The following KATNBL1 variants were observed in gnomAD, a reference collection of about 807,000 sequenced individuals.
KATNBL1 encodes KATNB1-like protein 1.
A neutral mutation model predicts 44.7 loss-of-function variants in KATNBL1; 28 were observed. The observed-to-expected ratio is 0.63, with a 90% CI of 0.46 to 0.86. The LOEUF is 0.86. Among genes scored for constraint, KATNBL1 ranks in the 40% least tolerant of loss-of-function variants. KATNBL1 has a pLI of 0.00. For synonymous variants in KATNBL1, 78 were observed against 114.9 expected (o/e 0.68, Z 2.06); for missense variants, 272 against 350.7 (o/e 0.78, Z 1.79).
chr15:34,178,042 C>T (rs1003200942), intron 1 of KATNBL1: 4 of 152,092 alleles, frequency 2.6e-5, no homozygotes, highest in African/African-American at 7.2e-5. Context: ...GGTTTTAGAA[C>T]GTAAAAGCTT....
chr15:34,205,564 G>C (rs191417130), intron 1 of KATNBL1, among the ~76,000 whole-genome samples: 2 of 152,136 alleles, frequency 1.3e-5, no homozygotes, highest in Non-Finnish European at 2.9e-5. Flanking sequence ...TAATAGTTCT[G>C]AAAGGCGATT....
At chr15:34,180,162 ACT>A (rs1475411147) in intron 1 of KATNBL1, among the ~76,000 whole-genome samples, 1 of 150,442 alleles carries the variant, frequency 6.6e-6, no homozygotes, top group Non-Finnish European at 1.5e-5. Flanking sequence ...CAACTCCTAT[ACT>A]CTTTCTCTGC....
chr15:34,186,052 C>T (rs1889705680), intron 1 of KATNBL1, among the ~76,000 whole-genome samples: 1 of 152,280 alleles, frequency 6.6e-6, no homozygotes, highest in African/African-American at 2.4e-5. Context: ...AAACCATAAA[C>T]ATCACTTCTA....
chr15:34,188,169 A>AAAAAAAAAAAAAAAATC (rs1363128311), intron 1 of KATNBL1, among the ~76,000 whole-genome samples: 1 of 149,274 alleles, frequency 6.7e-6, no homozygotes, highest in African/African-American at 2.5e-5. Flanking sequence ...AAAAAAAGAA[A>AAAAAAAAAAAAAAAATC]ATTCACAAAT....
chr15:34,188,349 A>C (rs1044715444), intron 1 of KATNBL1, among the ~76,000 whole-genome samples: 7 of 151,808 alleles, frequency 4.6e-5, no homozygotes, highest in African/African-American at 1.5e-4. Context: ...TGAGGCCAGG[A>C]GTTCGAGATC....
At chr15:34,204,636 T>A (rs1890247446) in intron 1 of KATNBL1, among the ~76,000 whole-genome samples, 1 of 152,188 alleles carries the variant, frequency 6.6e-6, no homozygotes, top group Non-Finnish European at 1.5e-5. Context: ...AATGGATAAT[T>A]CACTCAAACA....
intron 1 of KATNBL1, among the ~76,000 whole-genome samples, chr15:34,186,570 T>C (rs1299962418): frequency 6.6e-6 from 1 of 152,144 alleles, no homozygotes; most frequent in Non-Finnish European, 1.5e-5. Context: ...CTCTTCCAAA[T>C]TGGTGGGGTG....
chr15:34,163,721 A>G (rs1567523520), intron 1 of KATNBL1, 31 bp from the exon 2 acceptor site: 1 of 1,283,356 alleles, frequency 7.8e-7, no homozygotes, highest in Non-Finnish European at 1.1e-6. Flanking sequence ...GAAAATTAAA[A>G]CAGCAAAAAG....
At chr15:34,157,567 T>A (rs1239701997) in intron 2 of KATNBL1, among the ~76,000 whole-genome samples, 1 of 152,212 alleles carries the variant, frequency 6.6e-6, no homozygotes, top group African/African-American at 2.4e-5. Context: ...GAAACTGATC[T>A]TTTGTTTCGA....
intron 4 of KATNBL1, among the ~76,000 whole-genome samples, chr15:34,149,504 A>T (rs896833179): frequency 6.6e-6 from 1 of 151,846 alleles, no homozygotes; most frequent in African/African-American, 2.4e-5. Flanking sequence ...GCTCACTGCA[A>T]CCTCCGCCTC....
intron 9 of KATNBL1, 187 bp from the exon 10 acceptor site, chr15:34,142,558 G>A (rs1247311506): frequency 1.9e-6 from 1 of 535,546 alleles, no homozygotes; most frequent in Non-Finnish European, 3.2e-6. Flanking sequence ...CATAGTATGT[G>A]CTCAATATAT....
intron 3 of KATNBL1, among the ~76,000 whole-genome samples, chr15:34,153,912 T>G (rs568792010): frequency 4.7e-4 from 72 of 152,292 alleles, no homozygotes; most frequent in Admixed American, 1.3e-3. Context: ...GTGTAAAAAC[T>G]AAAACAAAAT....
chr15:34,193,060 A>T (rs953947375), intron 1 of KATNBL1, among the ~76,000 whole-genome samples: 2 of 151,818 alleles, frequency 1.3e-5, no homozygotes, highest in African/African-American at 4.8e-5. Flanking sequence ...TATTAAAAAT[A>T]CAAAAAATTA....
At chr15:34,145,611 GA>G in intron 8 of KATNBL1, 120 bp from the exon 9 acceptor site, 1 of 893,088 alleles carries the variant, frequency 1.1e-6, no homozygotes, top group Non-Finnish European at 1.5e-6. Context: ...AGGAGAAAAT[GA>G]TGCTATTTGA....
intron 1 of KATNBL1, among the ~76,000 whole-genome samples, chr15:34,175,248 T>G (rs556029193): frequency 2.6e-5 from 4 of 152,138 alleles, no homozygotes; most frequent in Non-Finnish European, 4.4e-5. Context: ...GATCTTTTAT[T>G]TTTTCAGATT....
At chr15:34,187,723 C>T (rs1889755031) in intron 1 of KATNBL1, among the ~76,000 whole-genome samples, 1 of 152,158 alleles carries the variant, frequency 6.6e-6, no homozygotes, top group Non-Finnish European at 1.5e-5. Context: ...TGGAACCTAT[C>T]ATAAGGCCAT....
intron 8 of KATNBL1, chr15:34,146,513 G>A (rs765394411): frequency 2.6e-6 from 1 of 380,142 alleles, no homozygotes; most frequent in Non-Finnish European, 4.8e-6. Context: ...CCACTATTGT[G>A]TTTTTCTTCT....
intron 1 of KATNBL1, chr15:34,209,630 C>G (rs1316651098): frequency 6.6e-6 from 1 of 152,414 alleles, no homozygotes; most frequent in African/African-American, 2.4e-5. Context: ...TCTGTCCTTC[C>G]CCTTCCCCAG....
intron 1 of KATNBL1, among the ~76,000 whole-genome samples, chr15:34,179,470 G>A (rs1354712212): frequency 6.6e-6 from 1 of 152,086 alleles, no homozygotes; most frequent in Non-Finnish European, 1.5e-5. Context: ...GAACTCTGGA[G>A]CGCACATTGA....
Sources: gnomAD v4.1 joint callset for allele counts (sites outside exome capture counted in the v4.1 genomes callset) on GRCh38, gnomAD v4.1.1 for gene constraint, MANE v1.5 for transcripts, NCBI Gene and HGNC (gene_info 2026-07-23, HGNC 2026-07-21) for gene names.